The following ECT2 variants were observed in gnomAD, a reference collection of about 807,000 sequenced individuals.
ECT2 encodes protein ECT2.
ECT2 carries 61 observed loss-of-function variants against 116.9 expected under a neutral mutation model. That is an observed-to-expected ratio of 0.52 (90% CI 0.42 to 0.65). The LOEUF is 0.65. ECT2 is among the 30% of genes least tolerant of loss of function. ECT2 has a pLI of 0.00. For synonymous variants in ECT2, 358 were observed against 346.4 expected (o/e 1.03, Z -0.37); for missense variants, 937 against 1,078.7 (o/e 0.87, Z 1.84).
At chr3:172,773,829 C>A in intron 13 of ECT2, 74 bp from the exon 14 acceptor site, 1 of 1,445,590 alleles carries the variant, frequency 6.9e-7, no homozygotes, top group East Asian at 2.3e-5. Flanking sequence ...CTTGTGTCTC[C>A]TTTATCACTG....
At position 172,820,324 on chromosome 3, in the gene ECT2, A is replaced by G; in HGVS notation, c.*87A>G. The G allele has an allele frequency of 1.2e-6, 1 of 865,806 alleles. No individual in the cohort carries two copies. Among genetic ancestry groups the G allele is most frequent in the Non-Finnish European group, 1.7e-6 (1 of 588,402 alleles). 53.6% of individuals were successfully genotyped at this position (865,806 alleles called of 1,614,324 possible). The stretch of plus-strand genomic sequence containing the variant: ...GACTTAAATGGTACTTGTAATTAGC[A>G]CTTGGTGAAAGCTGGAAGGAAGATA... On this transcript the variant is annotated 3_prime_UTR_variant, in exon 25 of 25. Transcript: ENST00000392692.
chr3:172,807,925 GT>G lies in ECT2; in HGVS notation c.2400+2del. 6.2e-7 allele frequency: 1 copy of G among 1,612,274 alleles called. No homozygotes were observed. Among genetic ancestry groups the G allele is most frequent in the Non-Finnish European group, 8.5e-7 (1 of 1,179,004 alleles). Reference sequence around the variant, plus strand: ...TAACACCATTTGTAAAGCAGATGCTGTAAGTTCTTAAAACAGTATTATAATG... The same window carrying G: ...TAACACCATTTGTAAAGCAGATGCTGAAGTTCTTAAAACAGTATTATAATG... On this transcript the variant is annotated splice_donor_variant, in intron 22 of 24. Transcript: ENST00000392692. LOFTEE classifies it high-confidence loss of function.
intron 14 of ECT2, among the ~76,000 whole-genome samples, chr3:172,777,151 A>G (rs1721887071): frequency 6.6e-6 from 1 of 152,092 alleles, no homozygotes; most frequent in South Asian, 2.1e-4. Context: ...AGATTACACC[A>G]CTGTGCTTGG....
intron 21 of ECT2, 58 bp from the exon 22 acceptor site, chr3:172,807,712 A>G (rs1454116246): frequency 1.3e-6 from 2 of 1,539,124 alleles, no homozygotes; most frequent in East Asian, 4.5e-5. Context: ...AAACTTGCAT[A>G]CATCTGTCAT....
intron 1 of ECT2, among the ~76,000 whole-genome samples, chr3:172,751,423 AG>A (rs1715795090): frequency 6.6e-6 from 1 of 152,168 alleles, no homozygotes; most frequent in Admixed American, 6.5e-5. Context: ...AGTTTGACTT[AG>A]GGGAAGTTGC....
At chr3:172,822,992 A>C (rs1165718840), downstream of ECT2, among the ~76,000 whole-genome samples, 1 of 152,094 alleles carries the variant, frequency 6.6e-6, no homozygotes, top group Non-Finnish European at 1.5e-5. Context: ...ATAGAAAAAC[A>C]TGGAACTTAA....
chr3:172,774,173 TC>T, intron 14 of ECT2, 151 bp downstream of exon 14: 1 of 736,196 alleles, frequency 1.4e-6, no homozygotes, highest in Non-Finnish European at 2.2e-6. Context: ...GTCTCTTTGT[TC>T]CAGTGCCTCA....
At chr3:172,759,847 T>TA (rs1553849690) in intron 6 of ECT2, among the ~76,000 whole-genome samples, 1 of 152,120 alleles carries the variant, frequency 6.6e-6, no homozygotes, top group African/African-American at 2.4e-5. Context: ...GGTATTTTTT[T>TA]AAAAAAACCA....
At chr3:172,786,630 A>T (rs1256428068) in intron 18 of ECT2, 56 bp downstream of exon 18, 1 of 1,156,442 alleles carries the variant, frequency 8.6e-7, no homozygotes, top group Non-Finnish European at 1.3e-6. Context: ...TGGAATTGAT[A>T]GAAAACTAGA....
chr3:172,760,299 C>G (rs1355714260), intron 7 of ECT2, 36 bp downstream of exon 7: 1 of 1,343,458 alleles, frequency 7.4e-7, no homozygotes, highest in East Asian at 2.4e-5. Flanking sequence ...TATTTCAATA[C>G]AGCATTATTT....
At chr3:172,813,451 A>G (rs1577040332) in intron 22 of ECT2, among the ~76,000 whole-genome samples, 1 of 152,006 alleles carries the variant, frequency 6.6e-6, no homozygotes, top group Non-Finnish European at 1.5e-5. Context: ...CCCTTTTTCC[A>G]TCAGGAACTT....
At chr3:172,807,487 A>G (rs1031557021) in intron 21 of ECT2, among the ~76,000 whole-genome samples, 2 of 152,178 alleles carry the variant, frequency 1.3e-5, no homozygotes, top group Non-Finnish European at 2.9e-5. Flanking sequence ...AACACTTAAT[A>G]TTTTTATCAT....
At chr3:172,757,600 A>T (rs866180001) in intron 5 of ECT2, among the ~76,000 whole-genome samples, 5 of 151,844 alleles carry the variant, frequency 3.3e-5, no homozygotes, top group African/African-American at 1.2e-4. Flanking sequence ...TATTTTTAGT[A>T]GAGATGGCGT....
chr3:172,797,053 TCA>T (rs374170460), intron 18 of ECT2, among the ~76,000 whole-genome samples: 6 of 150,912 alleles, frequency 4.0e-5, no homozygotes, highest in Admixed American at 6.6e-5. Flanking sequence ...TGTGTGTGTG[TCA>T]GGGTCTCATT....
intron 21 of ECT2, 164 bp downstream of exon 21, chr3:172,806,033 T>G: frequency 3.0e-6 from 2 of 673,880 alleles, no homozygotes; most frequent in African/African-American, 1.8e-5. Context: ...TCTCCATCTC[T>G]AGGAACAGAA....
downstream of ECT2, among the ~76,000 whole-genome samples, chr3:172,824,870 A>G (rs1730804582): frequency 7.5e-6 from 1 of 133,510 alleles, no homozygotes; most frequent in South Asian, 2.5e-4. Flanking sequence ...TATTTCTGTT[A>G]GCATAATTTG....
At chr3:172,796,907 C>T (rs1379696851) in intron 18 of ECT2, among the ~76,000 whole-genome samples, 1 of 152,168 alleles carries the variant, frequency 6.6e-6, no homozygotes, top group Non-Finnish European at 1.5e-5. Flanking sequence ...GATCCTCTCA[C>T]CTCAGCCTCC....
chr3:172,810,653 GTAGA>G (rs1437090922), intron 22 of ECT2, among the ~76,000 whole-genome samples: 1 of 152,132 alleles, frequency 6.6e-6, no homozygotes, highest in Non-Finnish European at 1.5e-5. Flanking sequence ...ACACGTGATA[GTAGA>G]TAGGATCTGG....
At chr3:172,817,237 A>C (rs1729899874) in intron 24 of ECT2, among the ~76,000 whole-genome samples, 1 of 151,972 alleles carries the variant, frequency 6.6e-6, no homozygotes, top group Non-Finnish European at 1.5e-5. Context: ...TGCACTTTAA[A>C]CCTTGGCATC....
Sources: gnomAD v4.1 joint callset for allele counts (sites outside exome capture counted in the v4.1 genomes callset) on GRCh38, gnomAD v4.1.1 for gene constraint, MANE v1.5 for transcripts, NCBI Gene and HGNC (gene_info 2026-07-23, HGNC 2026-07-21) for gene names.